The following GRIP1 variants were observed in gnomAD, a reference collection of about 807,000 sequenced individuals.
The protein encoded by GRIP1 is glutamate receptor interacting protein 1, also known as glutamate receptor-interacting protein 1.
In GRIP1, 45 loss-of-function variants were observed where a neutral mutation model predicts 129.9. The observed-to-expected ratio is 0.35, with a 90% CI of 0.27 to 0.44. The LOEUF is 0.44. Among genes scored for constraint, GRIP1 ranks in the 20% least tolerant of loss-of-function variants. The pLI is 1.00. For synonymous variants in GRIP1, 530 were observed against 520.8 expected, an observed-to-expected ratio of 1.02 and a Z score of -0.24; for missense variants, 1,196 against 1,396.8, an observed-to-expected ratio of 0.86 and a Z score of 2.29.
At chr12:66,847,727 C>T (rs1048446254) in intron 1 of GRIP1, among the ~76,000 whole-genome samples, 1 of 152,134 alleles carries the variant, frequency 6.6e-6, no homozygotes, top group Non-Finnish European at 1.5e-5. Context: ...AATATAGCCA[C>T]AAATTCTGCT....
intron 1 of GRIP1, among the ~76,000 whole-genome samples, chr12:66,698,558 G>A (rs1005314331): frequency 2.0e-5 from 3 of 152,112 alleles, no homozygotes; most frequent in African/African-American, 7.2e-5. Context: ...CCACCAACCC[G>A]CAAGTCTCCT....
intron 1 of GRIP1, among the ~76,000 whole-genome samples, chr12:66,951,473 C>T (rs2041756505): frequency 2.0e-5 from 3 of 152,096 alleles, no homozygotes; most frequent in Admixed American, 1.3e-4. Context: ...TGGGGAGAAA[C>T]ATCTTGTGAC....
At chr12:66,933,771 C>T (rs2041439284) in intron 1 of GRIP1, among the ~76,000 whole-genome samples, 1 of 152,192 alleles carries the variant, frequency 6.6e-6, no homozygotes, top group Non-Finnish European at 1.5e-5. Context: ...CCCTTCTAAA[C>T]TTGCAAATAT....
intron 1 of GRIP1, among the ~76,000 whole-genome samples, chr12:66,819,288 A>C (rs2039278351): frequency 6.6e-6 from 1 of 152,210 alleles, no homozygotes; most frequent in African/African-American, 2.4e-5. Flanking sequence ...ACAAAGTTTT[A>C]AAATCAACTA....
At chr12:66,792,187 T>C (rs568068017) in intron 1 of GRIP1, among the ~76,000 whole-genome samples, 1 of 152,278 alleles carries the variant, frequency 6.6e-6, no homozygotes, top group Admixed American at 6.5e-5. Context: ...TACTACGACT[T>C]TTCTCTACAA....
intron 1 of GRIP1, among the ~76,000 whole-genome samples, chr12:66,946,911 G>A (rs1321799946): frequency 6.6e-6 from 1 of 151,846 alleles, no homozygotes; most frequent in Non-Finnish European, 1.5e-5. Context: ...AGGCGTGGTG[G>A]TTGGCACCTG....
intron 1 of GRIP1, among the ~76,000 whole-genome samples, chr12:67,042,896 C>T (rs889378296): frequency 6.6e-6 from 1 of 152,218 alleles, no homozygotes; most frequent in South Asian, 2.1e-4. Flanking sequence ...GAGCATAATA[C>T]ATCTTCCATG....
At chr12:66,837,839 G>A (rs2039642490) in intron 1 of GRIP1, among the ~76,000 whole-genome samples, 1 of 152,136 alleles carries the variant, frequency 6.6e-6, no homozygotes, top group Non-Finnish European at 1.5e-5. Context: ...AGAATAAAGA[G>A]GAAGGTGTCA....
At chr12:66,785,299 G>C (rs1307299033) in intron 1 of GRIP1, among the ~76,000 whole-genome samples, 1 of 115,474 alleles carries the variant, frequency 8.7e-6, no homozygotes, top group Non-Finnish European at 1.8e-5. Context: ...ACTCTTCCAA[G>C]AATTTAACAT....
chr12:66,838,992 C>T (rs943794511), intron 1 of GRIP1, among the ~76,000 whole-genome samples: 6 of 152,032 alleles, frequency 3.9e-5, no homozygotes, highest in Non-Finnish European at 7.4e-5. Flanking sequence ...AGATCTCTAC[C>T]ACAGACTTGA....
At chr12:67,048,410 T>A (rs1229382255) in intron 1 of GRIP1, among the ~76,000 whole-genome samples, 1 of 152,156 alleles carries the variant, frequency 6.6e-6, no homozygotes, top group Non-Finnish European at 1.5e-5. Flanking sequence ...GCTCTATGCA[T>A]ATACCTTTTT....
chr12:66,695,636 G>C (rs2035131516), intron 1 of GRIP1, among the ~76,000 whole-genome samples: 1 of 152,196 alleles, frequency 6.6e-6, no homozygotes, highest in Admixed American at 6.5e-5. Flanking sequence ...GAGGGAACTA[G>C]AGGTACAAAA....
At chr12:66,798,293 A>C (rs1023475346) in intron 1 of GRIP1, among the ~76,000 whole-genome samples, 5 of 152,208 alleles carry the variant, frequency 3.3e-5, no homozygotes, top group Non-Finnish European at 7.3e-5. Context: ...ACTCACCTCC[A>C]CATGCCATAT....
At chr12:66,888,729 C>A (rs1459532178) in intron 1 of GRIP1, among the ~76,000 whole-genome samples, 1 of 152,092 alleles carries the variant, frequency 6.6e-6, no homozygotes, top group Non-Finnish European at 1.5e-5. Context: ...AACCACAGAT[C>A]TAGAGAATTT....
At chr12:66,350,976 G>A (rs2054196544) in intron 24 of GRIP1, among the ~76,000 whole-genome samples, 2 of 152,312 alleles carry the variant, frequency 1.3e-5, no homozygotes, top group South Asian at 2.1e-4. Context: ...TGCGATGAGA[G>A]TAGAGCTAGC....
At chr12:66,931,941 G>C (rs1161380319) in intron 1 of GRIP1, among the ~76,000 whole-genome samples, 1 of 152,136 alleles carries the variant, frequency 6.6e-6, no homozygotes, top group African/African-American at 2.4e-5. Context: ...ACAAACATTT[G>C]TATGGTTTGT....
intron 1 of GRIP1, among the ~76,000 whole-genome samples, chr12:66,924,389 G>T (rs974848019): frequency 5.3e-5 from 8 of 152,176 alleles, no homozygotes; most frequent in Non-Finnish European, 1.2e-4. Context: ...AAAAACTATT[G>T]ATACATATGT....
intron 1 of GRIP1, among the ~76,000 whole-genome samples, chr12:66,714,870 C>T (rs547700536): frequency 5.8e-4 from 83 of 143,342 alleles, no homozygotes; most frequent in African/African-American, 2.1e-3. Flanking sequence ...ACTCACCCAT[C>T]TATCCATTCA....
intron 1 of GRIP1, among the ~76,000 whole-genome samples, chr12:66,610,119 AT>A (rs2064726210): frequency 6.6e-6 from 1 of 152,114 alleles, no homozygotes; most frequent in African/African-American, 2.4e-5. Context: ...TGATACGCAA[AT>A]CAGTCAGAAT....
Sources: allele counts gnomAD v4.1 joint callset (sites outside exome capture counted in the v4.1 genomes callset), GRCh38; gene constraint gnomAD v4.1.1; transcripts MANE v1.5; gene names NCBI Gene and HGNC (gene_info 2026-07-23, HGNC 2026-07-21).